The following CCDC178 variants were observed in gnomAD, a reference collection of about 807,000 sequenced individuals.
CCDC178 encodes the protein coiled-coil domain-containing protein 178.
In CCDC178, 126 loss-of-function variants were observed where a neutral mutation model predicts 117.4. The ratio of observed to expected loss-of-function variants is 1.07; its 90% CI spans 0.93 to 1.24. The LOEUF (loss-of-function observed/expected upper bound fraction) is 1.24. Among genes scored for constraint, CCDC178 ranks in the 50% most tolerant of loss-of-function variants. The probability of loss-of-function intolerance (pLI) is 0.00; values close to 1 mark genes in which losing one functional copy is unlikely to be tolerated. For synonymous variants in CCDC178, 283 were observed against 313.4 expected, an observed-to-expected ratio of 0.90 and a Z score of 1.02; for missense variants, 1,030 against 986.9, an observed-to-expected ratio of 1.04 and a Z score of -0.59.
At chr18:33,391,422 G>T (rs901089081) in intron 4 of CCDC178, among the ~76,000 whole-genome samples, 2 of 151,962 alleles carry the variant, frequency 1.3e-5, no homozygotes, top group African/African-American at 4.8e-5. Flanking sequence ...ATAACAAAAT[G>T]ACATACAGGA....
rs760965597 is a variant in CCDC178 at position 33,346,365 on chromosome 18, T to G, written c.504A>C (p.Ser168=). The G allele has an allele frequency of 6.2e-7, 1 of 1,613,772 alleles. No homozygotes were observed. Among genetic ancestry groups the G allele is most frequent in the East Asian group, 2.2e-5 (1 of 44,862 alleles). Residue 168 remains serine (S), a synonymous_variant, in exon 9 of 23, where the codon TCA becomes TCC. Transcript: ENST00000383096. ...GACTTTTAATGAGACGAATGGCCTC[T>G]GAGAGCAATGTTTCCATTTCCTGCT... ...ELKQEMETLL[S]EAIRLIKSLE...
chr18:33,157,626 G>A (rs1018513571), intron 20 of CCDC178, among the ~76,000 whole-genome samples: 6 of 152,058 alleles, frequency 3.9e-5, no homozygotes, highest in African/African-American at 1.4e-4. Context: ...CCTCCTTGCT[G>A]TTGACCTTAA....
chr18:33,222,789 A>G (rs140953752), intron 18 of CCDC178, among the ~76,000 whole-genome samples: 1 of 151,686 alleles, frequency 6.6e-6, no homozygotes, highest in African/African-American at 2.4e-5. Flanking sequence ...TTAATCTCCA[A>G]GTAAAAGGAG....
chr18:33,389,130 A>G (rs2063531807), intron 5 of CCDC178, among the ~76,000 whole-genome samples: 1 of 152,108 alleles, frequency 6.6e-6, no homozygotes, highest in Admixed American at 6.6e-5. Flanking sequence ...CTGCACATGT[A>G]CCCTGGAACT....
At chr18:33,210,168 A>G (rs2059090580) in intron 20 of CCDC178, among the ~76,000 whole-genome samples, 1 of 152,064 alleles carries the variant, frequency 6.6e-6, no homozygotes, top group African/African-American at 2.4e-5. Context: ...CATAGTACTG[A>G]GATTTTAGGA....
At chr18:33,219,797 G>A (rs1356047283) in intron 18 of CCDC178, among the ~76,000 whole-genome samples, 3 of 151,890 alleles carry the variant, frequency 2.0e-5, no homozygotes, top group African/African-American at 7.3e-5. Context: ...TGGAGGGAGG[G>A]ATAGCATTAG....
At position 33,048,042 on chromosome 18, in the gene CCDC178, T is replaced by C. The variant is rs530252375; in HGVS notation, c.2388+44719A>G. On this transcript the variant is annotated intron_variant, in intron 21 of 22. Coordinates refer to ENST00000383096, the MANE Select transcript of CCDC178 (RefSeq NM_001105528.4). ...TGTGATCTAGTTTAAAGATGGGTTCTTTACTAAGGTAATGAAGTTAAGGTA... is the reference window on the plus strand; with the variant it reads ...TGTGATCTAGTTTAAAGATGGGTTCCTTACTAAGGTAATGAAGTTAAGGTA... 1.2e-3 allele frequency among the ~76,000 whole-genome samples: 190 copies of C among 152,300 alleles called. 1 individual carries two copies. The highest frequency in any genetic ancestry group is 3.4e-3 in the Middle Eastern group (1 of 294).
At chr18:33,319,611 CG>C (rs1327662426) in intron 11 of CCDC178, among the ~76,000 whole-genome samples, 1 of 152,124 alleles carries the variant, frequency 6.6e-6, no homozygotes, top group Non-Finnish European at 1.5e-5. Context: ...CTTGAGGAAT[CG>C]CCACACTGTC....
At chr18:33,412,724 A>C (rs1188017237) in intron 2 of CCDC178, among the ~76,000 whole-genome samples, 1 of 152,188 alleles carries the variant, frequency 6.6e-6, no homozygotes, top group African/African-American at 2.4e-5. Flanking sequence ...CATAATACCA[A>C]TAATGTAATT....
intron 7 of CCDC178, among the ~76,000 whole-genome samples, chr18:33,349,459 A>C (rs1027445357): frequency 2.0e-5 from 3 of 151,954 alleles, no homozygotes; most frequent in Admixed American, 6.6e-5. Context: ...ACAAATATAG[A>C]ACATTGATTA....
At chr18:32,956,035 C>T (rs2144643005) in intron 22 of CCDC178, among the ~76,000 whole-genome samples, 1 of 152,292 alleles carries the variant, frequency 6.6e-6, no homozygotes, top group East Asian at 1.9e-4. Flanking sequence ...ACTAACACTA[C>T]ACATTTTTTC....
intron 9 of CCDC178, among the ~76,000 whole-genome samples, chr18:33,336,989 C>T (rs2062749219): frequency 6.6e-6 from 1 of 151,858 alleles, no homozygotes; most frequent in African/African-American, 2.4e-5. Flanking sequence ...TGCTTTTGGC[C>T]ATATGGTCAT....
rs571948552 is a variant in CCDC178, at chr18:33,255,527, G to C, written c.1410-10099C>G. 1.6e-4 allele frequency among the ~76,000 whole-genome samples: 25 copies of C among 152,144 alleles called. 1 individual carries two copies. In the South Asian group the frequency reaches 5.2e-3, roughly 32 times the overall value. On this transcript the variant is annotated intron_variant, in intron 14 of 22. Transcript: ENST00000383096. ...GAAAAAGTAAAGTACCCATTGGAGA[G>C]ATATTTAAAGAAGTTGGTAAGATGC...
chr18:33,195,125 A>G (rs1158706182), intron 20 of CCDC178, among the ~76,000 whole-genome samples: 2 of 144,818 alleles, frequency 1.4e-5, no homozygotes, highest in Non-Finnish European at 3.0e-5. Context: ...TCTTAAAAAA[A>G]AAAGAGAGAG....
intron 22 of CCDC178, among the ~76,000 whole-genome samples, chr18:32,970,030 G>A (rs1026832182): frequency 2.6e-5 from 4 of 152,040 alleles, no homozygotes; most frequent in Non-Finnish European, 5.9e-5. Flanking sequence ...AGTTGTCTGT[G>A]ATTACTAGGG....
chr18:32,977,149 C>A (rs1205436989), intron 21 of CCDC178, among the ~76,000 whole-genome samples: 1 of 152,082 alleles, frequency 6.6e-6, no homozygotes, highest in African/African-American at 2.4e-5. Context: ...CTTTGATTAA[C>A]CCCCGTTTAC....
intron 20 of CCDC178, among the ~76,000 whole-genome samples, chr18:33,159,927 C>T (rs1033334458): frequency 6.6e-6 from 1 of 151,962 alleles, no homozygotes; most frequent in Non-Finnish European, 1.5e-5. Context: ...ACAGATGACC[C>T]CTTGACTTAG....
intron 6 of CCDC178, among the ~76,000 whole-genome samples, chr18:33,366,658 G>C (rs1013817894): frequency 4.6e-5 from 7 of 151,980 alleles, no homozygotes; most frequent in Non-Finnish European, 7.4e-5. Flanking sequence ...TTACAGAGTT[G>C]TATAACCATT....
intron 14 of CCDC178, among the ~76,000 whole-genome samples, chr18:33,251,703 A>G (rs1301810179): frequency 1.3e-5 from 2 of 151,892 alleles, no homozygotes; most frequent in East Asian, 3.9e-4. Flanking sequence ...CTCAAGTGGT[A>G]TTCAAGTAAC....
Sources: allele counts gnomAD v4.1 joint callset (sites outside exome capture counted in the v4.1 genomes callset), GRCh38; gene constraint gnomAD v4.1.1; transcripts MANE v1.5; gene names NCBI Gene and HGNC (gene_info 2026-07-23, HGNC 2026-07-21).